Variants in FAM90A20 observed in about 807,000 individuals in gnomAD.
FAM90A20 encodes the protein family with sequence similarity 90 member A20, also known as protein FAM90A20.
chr8:7,295,589 G>T, the FAM90A20 span: 12 of 662,294 alleles, frequency 1.8e-5, 3 homozygotes, highest in South Asian at 1.8e-4. Flanking sequence ...GCTGCCTGTG[G>T]CTTCAGCTCA....
At chr8:7,295,557 A>C in the FAM90A20 span, 4 of 659,540 alleles carry the variant, frequency 6.1e-6, no homozygotes, top group South Asian at 3.0e-5. Context: ...TTCACAATCC[A>C]TCCCAATGTT....
At chr8:7,295,959 G>A in the FAM90A20 span, 104 of 529,520 alleles carry the variant, frequency 2.0e-4, 4 homozygotes, top group East Asian at 2.8e-3. Context: ...GAAATAGGCC[G>A]GAGCTCCGTG....
At chr8:7,296,205 G>T in the FAM90A20 span, 132 of 658,810 alleles carry the variant, frequency 2.0e-4, 13 homozygotes, top group East Asian at 3.8e-3. Flanking sequence ...ACAAGACACG[G>T]AATGGGGCTG....
chr8:7,295,637 T>G, the FAM90A20 span: 3 of 664,826 alleles, frequency 4.5e-6, no homozygotes, highest in South Asian at 1.5e-5. Context: ...ACAGCTCAAG[T>G]GCAAAAACTG....
chr8:7,296,965 A>T, the FAM90A20 span: 17 of 1,105,138 alleles, frequency 1.5e-5, no homozygotes, highest in South Asian at 2.3e-4. Context: ...TGTACTAAGA[A>T]TTTCATGGTG....
chr8:7,296,797 G>A, the FAM90A20 span, among the ~76,000 whole-genome samples: 4 of 136,098 alleles, frequency 2.9e-5, no homozygotes, highest in South Asian at 6.5e-4. Flanking sequence ...CTGAGTGGAG[G>A]CACTTTGATC....
At chr8:7,295,816 G>T in the FAM90A20 span, 10 of 1,012,746 alleles carry the variant, frequency 9.9e-6, 2 homozygotes, top group African/African-American at 2.7e-5. Context: ...AGGGAGAGAA[G>T]GAAGAGAGAC....
chr8:7,295,775 G>T, the FAM90A20 span: 2 of 1,290,566 alleles, frequency 1.5e-6, 1 homozygote, highest in Non-Finnish European at 2.2e-6. Flanking sequence ...GCCTGGGGTT[G>T]AAGCCAACCC....
the FAM90A20 span, chr8:7,297,488 G>A: frequency 2.3e-5 from 36 of 1,534,262 alleles, 4 homozygotes; most frequent in Middle Eastern, 2.3e-4. Context: ...TCTCAGCTTT[G>A]GGTCAGGAGC....
At chr8:7,295,298 C>T in the FAM90A20 span, among the ~76,000 whole-genome samples, 1 of 37,930 alleles carries the variant, frequency 2.6e-5, no homozygotes, top group Non-Finnish European at 4.4e-5. Flanking sequence ...GGACCTTCTC[C>T]CCGGCCCGAT....
At chr8:7,296,982 C>G in the FAM90A20 span, 3 of 1,234,008 alleles carry the variant, frequency 2.4e-6, no homozygotes, top group Non-Finnish European at 3.3e-6. Context: ...GGTGTGTGCA[C>G]CTTGTCTTTG....
chr8:7,296,201 C>T, the FAM90A20 span: 4 of 655,494 alleles, frequency 6.1e-6, 1 homozygote, highest in Non-Finnish European at 1.1e-5. Flanking sequence ...TATCACAAGA[C>T]ACGGAATGGG....
chr8:7,295,379 C>T, the FAM90A20 span, among the ~76,000 whole-genome samples: 1 of 69,856 alleles, frequency 1.4e-5, no homozygotes, highest in Non-Finnish European at 2.4e-5. Flanking sequence ...CGTTTGGCTG[C>T]GTTGTTGACA....
At chr8:7,297,224 C>G in the FAM90A20 span, 32 of 1,522,350 alleles carry the variant, frequency 2.1e-5, 2 homozygotes, top group Middle Eastern at 2.3e-4. Context: ...AAGTCTTGGA[C>G]CAAAGGAAAG....
the FAM90A20 span, chr8:7,297,551 C>A: frequency 6.6e-7 from 1 of 1,521,154 alleles, no homozygotes; most frequent in East Asian, 2.2e-5. Flanking sequence ...CCCCAAGAAA[C>A]CGAGACTGGG....
the FAM90A20 span, chr8:7,297,252 C>T: frequency 3.4e-5 from 50 of 1,455,964 alleles, 2 homozygotes; most frequent in East Asian, 5.9e-4. Flanking sequence ...GGGGCTGCCG[C>T]CGACATCCCT....
chr8:7,296,476 G>A, the FAM90A20 span: 18 of 672,638 alleles, frequency 2.7e-5, no homozygotes, highest in Middle Eastern at 7.8e-4. Flanking sequence ...CCCGTCTGCG[G>A]GAGGAAATCG....
chr8:7,295,036 C>G, the FAM90A20 span: 4 of 30,616 alleles, frequency 1.3e-4, no homozygotes, highest in East Asian at 2.0e-3. Flanking sequence ...CGGGACCCCA[C>G]ATCTTGGGCC....
chr8:7,297,711 G>T, the FAM90A20 span: 7 of 1,468,512 alleles, frequency 4.8e-6, no homozygotes, highest in East Asian at 1.3e-4. Context: ...AGCGTTGAAC[G>T]GCAGCCTCCG....
Sources: allele counts gnomAD v4.1 joint callset (sites outside exome capture counted in the v4.1 genomes callset), GRCh38; gene constraint gnomAD v4.1.1; transcripts MANE v1.5; gene names NCBI Gene and HGNC (gene_info 2026-07-23, HGNC 2026-07-21).